FAM227B: variants seen among roughly 807,000 people sequenced by gnomAD.
FAM227B encodes family with sequence similarity 227 member B, also known as protein FAM227B.
In FAM227B, 88 loss-of-function variants were observed where a neutral mutation model predicts 73.8. The observed-to-expected ratio is 1.19, with a 90% CI of 1.00 to 1.42. The LOEUF is 1.42. Ranked by LOEUF, FAM227B falls within the 40% of genes most tolerant of loss-of-function variation. The pLI, the probability that FAM227B is intolerant of heterozygous loss-of-function variation, is 0.00. For missense variants in FAM227B, 632 were observed against 590.9 expected, an observed-to-expected ratio of 1.07 and a Z score of -0.72; for synonymous variants, 210 against 190.5, an observed-to-expected ratio of 1.10 and a Z score of -0.84.
At chr15:49,363,054 C>T (rs2044526834) in intron 13 of FAM227B, among the ~76,000 whole-genome samples, 1 of 152,088 alleles carries the variant, frequency 6.6e-6, no homozygotes, top group South Asian at 2.1e-4. Context: ...ATTTGGGTAA[C>T]ATGATTCCTC....
At chr15:49,403,191 T>C (rs1399652874) in intron 11 of FAM227B, among the ~76,000 whole-genome samples, 2 of 152,170 alleles carry the variant, frequency 1.3e-5, no homozygotes, top group Non-Finnish European at 2.9e-5. Context: ...CAGTATTTGG[T>C]TGAGGATTTT....
At chr15:49,612,033 CTT>C (rs58693077) in intron 2 of FAM227B, among the ~76,000 whole-genome samples, 19 of 135,264 alleles carry the variant, frequency 1.4e-4, no homozygotes, top group Admixed American at 1.5e-4. Flanking sequence ...GCTGAATTTT[CTT>C]TTTTTTTTTT....
chr15:49,507,737 A>C (rs4362337), intron 11 of FAM227B, among the ~76,000 whole-genome samples: 106,265 of 151,508 alleles, frequency 0.7, 37,572 homozygotes, highest in East Asian at 0.92. Context: ...GAAAAAAAAA[A>C]CCCATCATAT....
At chr15:49,545,139 T>A (rs2071646395) in intron 9 of FAM227B, among the ~76,000 whole-genome samples, 1 of 152,160 alleles carries the variant, frequency 6.6e-6, no homozygotes, top group Non-Finnish European at 1.5e-5. Flanking sequence ...CTCAAACTTT[T>A]TTTTGGCAAT....
At chr15:49,358,529 AG>A (rs1334892043) in intron 13 of FAM227B, among the ~76,000 whole-genome samples, 1 of 149,290 alleles carries the variant, frequency 6.7e-6, no homozygotes, top group Non-Finnish European at 1.5e-5. Context: ...CCAACTTACA[AG>A]GGATATGAAG....
intron 11 of FAM227B, among the ~76,000 whole-genome samples, chr15:49,502,262 T>C (rs2058201291): frequency 6.6e-6 from 1 of 152,222 alleles, no homozygotes; most frequent in South Asian, 2.1e-4. Context: ...ACGGTAGATC[T>C]ACTGGCAGCT....
At position 49,577,657 on chromosome 15, in the gene FAM227B, T is replaced by G. The variant is rs139216008; in HGVS notation, c.413A>C (p.Asp138Ala). 830 of 1,559,746 alleles carry G rather than the reference T, an allele frequency of 5.3e-4. 2 individuals are homozygous for G. The highest frequency in any genetic ancestry group is 6.5e-4 in the Non-Finnish European group (747 of 1,145,572). Residue 138 changes from aspartate to alanine, a missense_variant, in exon 6 of 16, where the codon GAT becomes GCT. Transcript: ENST00000299338. ...YHKKKKIMLS[D>A]EMETEKNIEG... ...TATATTCTTCTCTGTCTCCATTTCA[T>G]CTGAAAGCTGGAAAACATTTTAAAT...
intron 11 of FAM227B, among the ~76,000 whole-genome samples, chr15:49,453,023 A>G (rs1309742537): frequency 3.3e-5 from 5 of 152,154 alleles, no homozygotes; most frequent in African/African-American, 1.2e-4. Context: ...TACTGCTAAT[A>G]TAATAATCAC....
intron 11 of FAM227B, among the ~76,000 whole-genome samples, chr15:49,419,435 C>T (rs375426692): frequency 2.0e-5 from 3 of 152,128 alleles, no homozygotes; most frequent in African/African-American, 7.2e-5. Flanking sequence ...ACTTTTTTCC[C>T]TCAACCTTTC....
chr15:49,615,271 A>G, intron 1 of FAM227B, 28 bp from the exon 2 acceptor site: 1 of 942,826 alleles, frequency 1.1e-6, no homozygotes, highest in Non-Finnish European at 1.7e-6. Context: ...CCCAAATGCA[A>G]AAATAAATGA....
chr15:49,590,388 A>G (rs1321584094), intron 3 of FAM227B, among the ~76,000 whole-genome samples: 2 of 152,228 alleles, frequency 1.3e-5, no homozygotes, highest in Admixed American at 6.5e-5. Context: ...TATGCCCTTT[A>G]TAGCAAAAGA....
At chr15:49,559,160 G>A (rs2074025808) in intron 9 of FAM227B, among the ~76,000 whole-genome samples, 1 of 152,112 alleles carries the variant, frequency 6.6e-6, no homozygotes, top group Non-Finnish European at 1.5e-5. Flanking sequence ...TGTGTAATAG[G>A]AAAACAGATC....
At chr15:49,386,390 C>A (rs972578137) in intron 11 of FAM227B, among the ~76,000 whole-genome samples, 1 of 151,682 alleles carries the variant, frequency 6.6e-6, no homozygotes, top group Non-Finnish European at 1.5e-5. Flanking sequence ...AAATAAGCTG[C>A]TTCTGACTGA....
rs199739554 is a variant in FAM227B, at chr15:49,583,197, ATTTG to A, written c.405+4815_405+4818del. Among the ~76,000 whole-genome samples the A allele has an allele frequency of 9.1e-3, 1,373 of 150,660 alleles. 25 individuals are homozygous for A. The highest frequency in any genetic ancestry group is 0.015 in the Non-Finnish European group (1,022 of 67,430). On this transcript the variant is annotated intron_variant, in intron 5 of 15. Coordinates refer to ENST00000299338, the MANE Select transcript of FAM227B (RefSeq NM_152647.3). ...TCAACAAATCCAGGACAACTCCCGT[ATTTG>A]TTTTTTTTTTTAATTAACAAAATAG...
At chr15:49,402,217 A>G (rs2048212614) in intron 11 of FAM227B, among the ~76,000 whole-genome samples, 1 of 152,162 alleles carries the variant, frequency 6.6e-6, no homozygotes, top group South Asian at 2.1e-4. Flanking sequence ...CATGATAGAA[A>G]GACACAGAGA....
At chr15:49,552,611 C>T (rs2073166872) in intron 9 of FAM227B, among the ~76,000 whole-genome samples, 2 of 152,160 alleles carry the variant, frequency 1.3e-5, no homozygotes, top group African/African-American at 4.8e-5. Flanking sequence ...GCCAACAACT[C>T]AGATTTGCCC....
chr15:49,355,134 T>TG (rs993191452), intron 13 of FAM227B, among the ~76,000 whole-genome samples: 4 of 150,730 alleles, frequency 2.7e-5, no homozygotes, highest in Admixed American at 6.6e-5. Context: ...ACCACAAAGA[T>TG]GGGGAAAAAA....
At chr15:49,619,593 T>C (rs961693681) in intron 1 of FAM227B, among the ~76,000 whole-genome samples, 2 of 152,190 alleles carry the variant, frequency 1.3e-5, no homozygotes, top group Non-Finnish European at 2.9e-5. Context: ...CAACACCACC[T>C]GTGAACATAA....
At chr15:49,507,988 T>C (rs1363528091) in intron 11 of FAM227B, among the ~76,000 whole-genome samples, 1 of 152,098 alleles carries the variant, frequency 6.6e-6, no homozygotes, top group Admixed American at 6.6e-5. Flanking sequence ...ATATGTAGTA[T>C]ACATAAAGAC....
Sources: gnomAD v4.1 joint callset for allele counts (sites outside exome capture counted in the v4.1 genomes callset) on GRCh38, gnomAD v4.1.1 for gene constraint, MANE v1.5 for transcripts, NCBI Gene and HGNC (gene_info 2026-07-23, HGNC 2026-07-21) for gene names.